ETV5: variants seen among roughly 807,000 people sequenced by gnomAD.
ETV5 encodes the protein ETS translocation variant 5.
A neutral mutation model predicts 70.0 loss-of-function variants in ETV5; 10 were observed. That is an observed-to-expected ratio of 0.14 (90% confidence interval 0.09 to 0.24). The LOEUF (loss-of-function observed/expected upper bound fraction) is 0.24. Among genes scored for constraint, ETV5 ranks in the 10% least tolerant of loss-of-function variants. ETV5 has a pLI of 1.00. For missense variants in ETV5, 453 were observed against 651.2 expected, an observed-to-expected ratio of 0.70 and a Z score of 3.31; for synonymous variants, 216 against 242.2, an observed-to-expected ratio of 0.89 and a Z score of 1.01.
At chr3:186,065,511 T>C (rs1199409761) in intron 8 of ETV5, among the ~76,000 whole-genome samples, 1 of 152,134 alleles carries the variant, frequency 6.6e-6, no homozygotes, top group Admixed American at 6.5e-5. Context: ...TCGAGCAAAT[T>C]CCATCCAAAA....
intron 5 of ETV5, among the ~76,000 whole-genome samples, chr3:186,101,907 G>A (rs1266354681): frequency 6.6e-6 from 1 of 152,130 alleles, no homozygotes; most frequent in South Asian, 2.1e-4. Flanking sequence ...GAGGTCCACT[G>A]GTAGAATCCC....
Position 186,052,459 on chromosome 3 carries a change from C to T in ETV5, c.1210-328G>A, listed in dbSNP as rs570071865. Among the ~76,000 whole-genome samples, 20 of 152,272 alleles carry T rather than the reference C, an allele frequency of 1.3e-4. No individual in the cohort carries two copies. Among genetic ancestry groups the T allele is most frequent in the Middle Eastern group, 3.4e-3 (1 of 294 alleles). ...TTGACCAATACCCATAGACCATTAACGTGTTGCCATTAAGTGCTATGGTTT... is the reference window on the plus strand; with the variant it reads ...TTGACCAATACCCATAGACCATTAATGTGTTGCCATTAAGTGCTATGGTTT... On this transcript the variant is annotated intron_variant, in intron 11 of 12. Coordinates refer to ENST00000306376, the MANE Select transcript of ETV5 (RefSeq NM_004454.3). The surrounding 1 kb of genome is among the most constrained non-coding windows in gnomAD (Gnocchi z 4.5).
chr3:186,089,480 C>T (rs1262332616), intron 5 of ETV5, among the ~76,000 whole-genome samples: 1 of 152,140 alleles, frequency 6.6e-6, no homozygotes, highest in Non-Finnish European at 1.5e-5. Flanking sequence ...CCCCAAAAGC[C>T]CTCTCCTCAA....
chr3:186,105,930 A>C lies in ETV5; in HGVS notation c.-62T>G. On this transcript the variant is annotated 5_prime_UTR_variant, in exon 2 of 13. Coordinates refer to ENST00000306376, the MANE Select transcript of ETV5 (RefSeq NM_004454.3). This position sits in a 1 kb window ranked among gnomAD's most constrained non-coding sequence, Gnocchi z 4.5. ...TTCAGCATTGAGTAATTTCTGGGGG[A>C]AAAGGGATCCTCCTGTAATATGAAT... The C allele has an allele frequency of 1.3e-6, 2 of 1,590,270 alleles. No individual in the cohort carries two copies. The highest frequency in any genetic ancestry group is 4.5e-5 in the East Asian group (2 of 44,446).
At chr3:186,089,300 G>A (rs1439996996) in intron 5 of ETV5, among the ~76,000 whole-genome samples, 1 of 152,226 alleles carries the variant, frequency 6.6e-6, no homozygotes, top group South Asian at 2.1e-4. Flanking sequence ...GGGGACACAA[G>A]TTCTAAAAGC....
chr3:186,097,000 C>A (rs1278097539), intron 5 of ETV5, among the ~76,000 whole-genome samples: 1 of 152,162 alleles, frequency 6.6e-6, no homozygotes, highest in Non-Finnish European at 1.5e-5. Flanking sequence ...AGACCACCCC[C>A]AGCACACCCG....
intron 7 of ETV5, among the ~76,000 whole-genome samples, chr3:186,068,960 C>T (rs962780417): frequency 2.6e-5 from 4 of 152,178 alleles, no homozygotes; most frequent in Non-Finnish European, 4.4e-5. Context: ...TTATTCTCTA[C>T]TTTTAGCTTG....
intron 7 of ETV5, among the ~76,000 whole-genome samples, chr3:186,071,972 G>T (rs1713651233): frequency 6.6e-6 from 1 of 151,406 alleles, no homozygotes; most frequent in African/African-American, 2.4e-5. Flanking sequence ...TAATTTTTTT[G>T]TATTGTTAGT....
At chr3:186,069,326 T>C (rs376188730) in intron 7 of ETV5, among the ~76,000 whole-genome samples, 71 of 152,326 alleles carry the variant, frequency 4.7e-4, no homozygotes, top group African/African-American at 1.7e-3. Context: ...AGTGGGCTGA[T>C]AGCCTTTCAT....
At chr3:186,050,537 C>A (rs973658901) in intron 12 of ETV5, among the ~76,000 whole-genome samples, 3 of 151,968 alleles carry the variant, frequency 2.0e-5, no homozygotes, top group African/African-American at 7.3e-5. Context: ...ATGGGTATGG[C>A]GTTTCTTTTT....
chr3:186,082,439 T>C (rs959895433), intron 5 of ETV5, among the ~76,000 whole-genome samples: 1 of 151,802 alleles, frequency 6.6e-6, no homozygotes, highest in African/African-American at 2.4e-5. Flanking sequence ...TTTTTTTTTT[T>C]TTTTTTGAGA....
At position 186,046,366 on chromosome 3, in the gene ETV5, C is replaced by T. The variant is rs764390861; in HGVS notation, c.*2273G>A. Reference sequence around the variant, plus strand: ...TTATTGTACACAGTACAGAATATAACGCAGCTTGGCAGGATGCATACGGCC... The same window carrying T: ...TTATTGTACACAGTACAGAATATAATGCAGCTTGGCAGGATGCATACGGCC... On this transcript the variant is annotated 3_prime_UTR_variant, in exon 13 of 13. Transcript: ENST00000306376. 1.8e-5 allele frequency: 4 copies of T among 223,688 alleles called. No individual in the cohort carries two copies. Among genetic ancestry groups the T allele is most frequent in the Non-Finnish European group, 3.6e-5 (4 of 111,994 alleles). The allele number at this position is 223,688 out of a possible 1,614,324, so 13.9% of individuals were successfully genotyped here.
In ETV5 at chr3:186,047,197, G is replaced by A. The variant is rs566598671; in HGVS notation, c.*1442C>T. Reference sequence around the variant, plus strand: ...CCACCAGTAACTTTTCCTCTACTTTGAGCTCAACTTTCACATAGCTTTAGC... The same window carrying A: ...CCACCAGTAACTTTTCCTCTACTTTAAGCTCAACTTTCACATAGCTTTAGC... On this transcript the variant is annotated 3_prime_UTR_variant, in exon 13 of 13. Coordinates refer to ENST00000306376, the MANE Select transcript of ETV5 (RefSeq NM_004454.3). 8.7e-6 allele frequency: 2 copies of A among 228,790 alleles called. No homozygotes were observed. Among genetic ancestry groups the A allele is most frequent in the African/African-American group, 4.4e-5 (2 of 45,196 alleles). 14.2% of individuals were successfully genotyped at this position (228,790 alleles called of 1,614,324 possible).
chr3:186,108,086 A>C (rs1354093684), intron 1 of ETV5, among the ~76,000 whole-genome samples: 1 of 151,322 alleles, frequency 6.6e-6, no homozygotes, highest in Non-Finnish European at 1.5e-5. Context: ...CATAAAAACG[A>C]GGTGCGGCGC....
chr3:186,077,177 A>G (rs76124850), intron 7 of ETV5, among the ~76,000 whole-genome samples: 10,371 of 152,046 alleles, frequency 0.068, 1,225 homozygotes, highest in East Asian at 0.54. Context: ...TTCAAATGAG[A>G]CTCTCTTTAC....
intron 5 of ETV5, among the ~76,000 whole-genome samples, chr3:186,091,268 T>C (rs1429563228): frequency 1.3e-5 from 2 of 152,178 alleles, no homozygotes; most frequent in Admixed American, 1.3e-4. Context: ...CACAGCTGTA[T>C]AGTATTCAGG....
At chr3:186,097,488 G>A (rs1033276066) in intron 5 of ETV5, among the ~76,000 whole-genome samples, 45 of 152,186 alleles carry the variant, frequency 3.0e-4, no homozygotes, top group African/African-American at 9.9e-4. Context: ...AACCCCACGG[G>A]AAGGAGATAA....
intron 11 of ETV5, among the ~76,000 whole-genome samples, chr3:186,055,806 C>A (rs555393097): frequency 6.6e-5 from 10 of 152,166 alleles, no homozygotes; most frequent in African/African-American, 2.4e-4. Context: ...TGTGCTAAAG[C>A]GAGCCCTAGA....
Position 186,048,576 on chromosome 3 carries a change from G to A in ETV5, c.*63C>T, listed in dbSNP as rs983140368. On this transcript the variant is annotated 3_prime_UTR_variant, in exon 13 of 13. Transcript: ENST00000306376. ...AACCAAAAACACAAACAAAACCACT[G>A]CCCTTGTTTGCCTGAATGGGAACTG... The A allele has an allele frequency of 3.5e-6, 5 of 1,432,120 alleles. No individual in the cohort carries two copies. The highest frequency in any genetic ancestry group is 9.8e-7 in the Non-Finnish European group (1 of 1,018,536). The allele number at this position is 1,432,120 out of a possible 1,614,324, so 88.7% of individuals were successfully genotyped here.
Sources: gnomAD v4.1 joint callset for allele counts (sites outside exome capture counted in the v4.1 genomes callset) on GRCh38, gnomAD v4.1.1 for gene constraint, Gnocchi (gnomAD v3.1) non-coding constraint, MANE v1.5 for transcripts, NCBI Gene and HGNC (gene_info 2026-07-23, HGNC 2026-07-21) for gene names.